The following MEF2B variants were observed in gnomAD, a reference collection of about 807,000 sequenced individuals.
The protein encoded by MEF2B is myocyte-specific enhancer factor 2B.
A neutral mutation model predicts 32.2 loss-of-function variants in MEF2B; 15 were observed. The observed-to-expected ratio is 0.47, with a 90% confidence interval of 0.31 to 0.72. The LOEUF (loss-of-function observed/expected upper bound fraction) is 0.72. Among genes scored for constraint, MEF2B ranks in the 30% least tolerant of loss-of-function variants. MEF2B has a pLI of 0.05. For missense variants in MEF2B, 441 were observed against 511.5 expected, an observed-to-expected ratio of 0.86 and a Z score of 1.33; for synonymous variants, 205 against 225.6, an observed-to-expected ratio of 0.91 and a Z score of 0.82.
intron 2 of MEF2B, among the ~76,000 whole-genome samples, chr19:19,149,853 AG>A (rs772083137): frequency 6.6e-6 from 1 of 150,862 alleles, no homozygotes; most frequent in Non-Finnish European, 1.5e-5. Flanking sequence ...CCCAGGCAGG[AG>A]GATTGATTGA....
Position 19,170,215 on chromosome 19 carries a change from T to A in MEF2B, c.-40A>T. 1 of 398,524 alleles carries A rather than the reference T, an allele frequency of 2.5e-6. No homozygotes were observed. The highest frequency in any genetic ancestry group is 4.4e-6 in the Non-Finnish European group (1 of 225,990). 24.7% of individuals were successfully genotyped at this position (398,524 alleles called of 1,614,324 possible). A position where few individuals can be genotyped will look rare whatever the true frequency, so the allele number is the denominator to read the frequency against. On this transcript the variant is annotated 5_prime_UTR_variant, in exon 1 of 9. Coordinates refer to ENST00000424583, the MANE Select transcript of MEF2B (RefSeq NM_001145785.2). ...CGATATGACACGCACCTGCTCGGCCTGGGCCCTGGGACGCTGGGCGCACGG... is the reference window on the plus strand; with the variant it reads ...CGATATGACACGCACCTGCTCGGCCAGGGCCCTGGGACGCTGGGCGCACGG...
At chr19:19,160,695 C>A (rs1315603542) in intron 1 of MEF2B, among the ~76,000 whole-genome samples, 1 of 152,006 alleles carries the variant, frequency 6.6e-6, no homozygotes, top group Non-Finnish European at 1.5e-5. Flanking sequence ...CCGGCCCCTG[C>A]AGCGAATCAG....
chr19:19,150,708 G>A lies in MEF2B; in HGVS notation c.28C>T (p.Arg10Cys), dbSNP rs1331035530. 5.6e-6 allele frequency: 9 copies of A among 1,614,072 alleles called. No homozygotes were observed. Among genetic ancestry groups the A allele is most frequent in the South Asian group, 2.2e-5 (2 of 91,084 alleles). Reference protein sequence around the residue: MGRKKIQISRILDQRNRQVT... With the variant: MGRKKIQISCILDQRNRQVT... ...TGCCGATTCCTTTGGTCCAGGATGC[G>A]GGAGATCTGGATTTTTTTCCTCCCC... is the stretch of plus-strand genomic sequence containing the variant. The change falls in exon 2 of 9, where the codon CGC becomes TGC. Residue 10 changes from arginine (R) to cysteine (C), a missense_variant. By Grantham distance (180) the Arg-to-Cys change is radical (BLOSUM62 -3). Transcript: ENST00000424583.
intron 1 of MEF2B, among the ~76,000 whole-genome samples, chr19:19,165,023 C>T (rs930568139): frequency 3.9e-5 from 6 of 152,212 alleles, no homozygotes; most frequent in African/African-American, 9.6e-5. Flanking sequence ...GCCCACAGCC[C>T]GGCAGCCCGA....
chr19:19,149,334 G>A lies in MEF2B; in HGVS notation c.150C>T (p.Ser50=), dbSNP rs748789152. 19 of 1,613,814 alleles carry A rather than the reference G, an allele frequency of 1.2e-5. No homozygotes were observed. The highest frequency in any genetic ancestry group is 4.5e-5 in the East Asian group (2 of 44,794). The change falls in exon 3 of 9, where the codon AGC becomes AGT. Residue 50 remains serine (S), a synonymous_variant. Coordinates refer to ENST00000424583, the MANE Select transcript of MEF2B (RefSeq NM_001145785.2). ...DCEIALIIFN[S]ANRLFQYAST... is the part of the protein sequence containing the mutation. ...TGGCATACTGGAAGAGGCGGTTGGC[G>A]CTGTTGAAGATGATGAGGGCTATCT...
rs2228198 is a variant in MEF2B, at chr19:19,145,811, C to T, written c.1093G>A (p.Gly365Ser). The T allele has an allele frequency of 4.9e-3, 7,584 of 1,536,830 alleles. 321 individuals carry two copies. In the African/African-American group the frequency reaches 0.09, roughly 18 times the overall value. ...PALRRLPLAD[G>S]WPR Reference sequence around the variant, plus strand: ...CGGGTGATCTCCTACCGGGGCCAGCCGTCGGCCAAGGGCAGCCGGCGCAGG... The same window carrying T: ...CGGGTGATCTCCTACCGGGGCCAGCTGTCGGCCAAGGGCAGCCGGCGCAGG... Residue 365 changes from glycine to serine, a missense_variant, in exon 9 of 9, where the codon GGC (glycine) becomes AGC (serine). Gly to Ser is a moderately conservative substitution (Grantham distance 56). This residue lies in a region of MEF2B where 326 missense variants were observed against 328.4 expected (regional missense o/e 0.99). Transcript: ENST00000424583. The surrounding 1 kb of genome is among the most constrained non-coding windows in gnomAD (Gnocchi z 4.6).
intron 2 of MEF2B, 149 bp from the exon 3 acceptor site, chr19:19,149,578 A>C: frequency 8.8e-7 from 1 of 1,137,968 alleles, no homozygotes; most frequent in South Asian, 1.6e-5. Flanking sequence ...ACAACCTGGC[A>C]AACTCCTACT....
intron 6 of MEF2B, 38 bp from the exon 7 acceptor site, chr19:19,146,686 C>T (rs2146350629): frequency 6.2e-7 from 1 of 1,613,578 alleles, no homozygotes; most frequent in Non-Finnish European, 8.5e-7. Context: ...CTGAGGCCCA[C>T]ACCCAGGTCG....
At chr19:19,157,669 G>A (rs914562159) in intron 1 of MEF2B, among the ~76,000 whole-genome samples, 9 of 152,144 alleles carry the variant, frequency 5.9e-5, no homozygotes, top group Non-Finnish European at 1.0e-4. Context: ...CCAACATAGC[G>A]AAAACCCATC....
chr19:19,146,205 G>T, intron 8 of MEF2B, 68 bp downstream of exon 8: 1 of 857,864 alleles, frequency 1.2e-6, no homozygotes, highest in Non-Finnish European at 1.7e-6. Context: ...ACCAGGGATG[G>T]CCACCAGGGG....
intron 1 of MEF2B, among the ~76,000 whole-genome samples, chr19:19,166,352 G>A (rs772336895): frequency 6.6e-6 from 1 of 152,114 alleles, no homozygotes; most frequent in Non-Finnish European, 1.5e-5. Flanking sequence ...AGGCCCTTTG[G>A]GGGCTGAGAA....
rs1295645715 is a variant in MEF2B, at chr19:19,170,257, C to G, written c.-82G>C. 8 of 398,442 alleles carry G rather than the reference C, an allele frequency of 2.0e-5. No individual in the cohort carries two copies. The highest frequency in any genetic ancestry group is 3.1e-5 in the Non-Finnish European group (7 of 226,012). 24.7% of individuals were successfully genotyped at this position (398,442 alleles called of 1,614,324 possible). Reference sequence around the variant, plus strand: ...GGCGCACGGACCCGCGGCGGCTGCACGAAGATCAGGGGCCCGCGGCCGCAG... The same window carrying G: ...GGCGCACGGACCCGCGGCGGCTGCAGGAAGATCAGGGGCCCGCGGCCGCAG... On this transcript the variant is annotated 5_prime_UTR_variant, in exon 1 of 9. Transcript: ENST00000424583.
At chr19:19,149,090 G>A in intron 3 of MEF2B, 136 bp downstream of exon 3, 2 of 1,153,584 alleles carry the variant, frequency 1.7e-6, no homozygotes, top group Non-Finnish European at 2.4e-6. Flanking sequence ...TCCCTTCTAG[G>A]GACAGCAGAA....
chr19:19,150,191 G>GGAAA (rs1440242297), intron 2 of MEF2B, among the ~76,000 whole-genome samples: 2 of 140,740 alleles, frequency 1.4e-5, no homozygotes, highest in African/African-American at 5.6e-5. Context: ...AGGGAAGGAA[G>GGAAA]GAAGGAAGGA....
rs759447294 is a variant in MEF2B at position 19,147,039 on chromosome 19, G to A, written c.538C>T (p.Pro180Ser). ...FRPAAPKAGP[P>S]GLVHPLFSPS... ...TGCCCCACTGTCCCATGCTCACCTG[G>A]GGGCCCGGCTTTGGGGGCTGCTGGT... The change falls in exon 5 of 9, where the codon CCA becomes TCA. Residue 180 changes from proline to serine, a missense_variant. Pro to Ser is a moderately conservative substitution (Grantham distance 74). Transcript: ENST00000424583. 2.5e-6 allele frequency: 4 copies of A among 1,600,392 alleles called. No individual in the cohort carries two copies. The highest frequency in any genetic ancestry group is 3.4e-6 in the Non-Finnish European group (4 of 1,174,186).
At chr19:19,169,331 G>A (rs539349285) in intron 1 of MEF2B, among the ~76,000 whole-genome samples, 2 of 151,128 alleles carry the variant, frequency 1.3e-5, no homozygotes, top group African/African-American at 4.9e-5. Flanking sequence ...CAGCCTGGGC[G>A]ACAGGATGAG....
intron 3 of MEF2B, among the ~76,000 whole-genome samples, chr19:19,149,012 C>T (rs750895133): frequency 6.6e-6 from 1 of 151,542 alleles, no homozygotes; most frequent in African/African-American, 2.4e-5. Flanking sequence ...GTGCCCTGCC[C>T]GATGTGCTTT....
chr19:19,151,290 C>G (rs2060078013), intron 1 of MEF2B, among the ~76,000 whole-genome samples: 1 of 152,060 alleles, frequency 6.6e-6, no homozygotes, highest in African/African-American at 2.4e-5. Context: ...GCCTCCTGCT[C>G]TAGCAGGAGG....
intron 1 of MEF2B, among the ~76,000 whole-genome samples, chr19:19,156,717 TTA>T (rs1335490855): frequency 2.0e-5 from 3 of 152,256 alleles, no homozygotes; most frequent in African/African-American, 7.2e-5. Flanking sequence ...AGTGGTGCAA[TTA>T]TAGCTCACTG....
Sources: gnomAD v4.1 joint callset for allele counts (sites outside exome capture counted in the v4.1 genomes callset) on GRCh38, gnomAD v4.1.1 for gene constraint, gnomAD v4.1.1 regional missense constraint, Gnocchi (gnomAD v3.1) non-coding constraint, MANE v1.5 for transcripts, NCBI Gene and HGNC (gene_info 2026-07-23, HGNC 2026-07-21) for gene names.